CERS4: variants seen among roughly 807,000 people sequenced by gnomAD.
CERS4 encodes the protein LAG1 homolog, ceramide synthase 4.
In CERS4, 65 loss-of-function variants were observed where a neutral mutation model predicts 51.8. That is an observed-to-expected ratio of 1.26 (90% CI 1.03 to 1.54). CERS4 has a LOEUF of 1.54. CERS4 is among the 40% of genes most tolerant of loss of function. CERS4 has a pLI of 0.00. For missense variants in CERS4, 563 were observed against 500.4 expected (o/e 1.13, Z -1.19); for synonymous variants, 228 against 208.4 (o/e 1.09, Z -0.81).
chr19:8,254,439 A>C (rs920888221), intron 3 of CERS4, 60 bp from the exon 4 acceptor site: 10 of 1,498,750 alleles, frequency 6.7e-6, no homozygotes, highest in African/African-American at 2.9e-5. Context: ...GTCTGCCCCC[A>C]CACACAGGCA....
intron 2 of CERS4, among the ~76,000 whole-genome samples, chr19:8,249,636 G>T (rs767929668): frequency 1.3e-4 from 16 of 121,098 alleles, no homozygotes; most frequent in Non-Finnish European, 1.7e-4. Flanking sequence ...CTGTCACCCA[G>T]GCTGCAGTGC....
intron 3 of CERS4, among the ~76,000 whole-genome samples, chr19:8,253,634 T>G (rs1969210686): frequency 6.6e-6 from 1 of 151,782 alleles, no homozygotes; most frequent in Non-Finnish European, 1.5e-5. Context: ...CCGGCTAATT[T>G]TTTGTATTTT....
intron 2 of CERS4, among the ~76,000 whole-genome samples, chr19:8,223,723 C>G (rs1967656991): frequency 6.6e-6 from 1 of 151,982 alleles, no homozygotes; most frequent in Non-Finnish European, 1.5e-5. Context: ...GAGGTCGAAA[C>G]TGCAGTGAAC....
chr19:8,256,786 C>T (rs1969408995), intron 8 of CERS4, 76 bp downstream of exon 8: 1 of 1,573,504 alleles, frequency 6.4e-7, no homozygotes, highest in Non-Finnish European at 8.6e-7. Context: ...GGCAGCCTTA[C>T]AACCGCACCT....
In CERS4 at chr19:8,257,870, C is replaced by T; in HGVS notation, c.742-9C>T. On this transcript the variant is annotated splice_polypyrimidine_tract_variant and intron_variant, in intron 9 of 11. Transcript: ENST00000251363. ...TCCTGAGCCCATTTCTCCCTGCTGC[C>T]CTTTCCAGGCCTGTAAGATGGTCAA... The T allele has an allele frequency of 3.1e-6, 5 of 1,610,596 alleles. No homozygotes were observed. Among genetic ancestry groups the T allele is most frequent in the Non-Finnish European group, 4.2e-6 (5 of 1,177,206 alleles).
At chr19:8,240,320 G>C (rs953782000) in intron 2 of CERS4, among the ~76,000 whole-genome samples, 1 of 152,096 alleles carries the variant, frequency 6.6e-6, no homozygotes, top group Non-Finnish European at 1.5e-5. Flanking sequence ...TGGGGTCTTT[G>C]GGGGGAGTGG....
intron 3 of CERS4, among the ~76,000 whole-genome samples, 168 bp from the exon 4 acceptor site, chr19:8,254,331 A>AAAAAAAAAC (rs1969254207): frequency 6.7e-6 from 1 of 148,620 alleles, no homozygotes; most frequent in Non-Finnish European, 1.5e-5. Context: ...TCAAAAAAAA[A>AAAAAAAAAC]AAAAAAAAAA....
In CERS4 at chr19:8,233,738, C is replaced by T. The variant is rs550391510; in HGVS notation, c.-1-17338C>T. 2.9e-3 allele frequency among the ~76,000 whole-genome samples: 443 copies of T among 152,098 alleles called. 3 individuals are homozygous for T. The highest frequency in any genetic ancestry group is 0.01 in the African/African-American group (423 of 41,498). On this transcript the variant is annotated intron_variant, in intron 2 of 11. Coordinates refer to ENST00000251363, the MANE Select transcript of CERS4 (RefSeq NM_024552.3). Reference sequence around the variant, plus strand: ...AAAATTTTTTAATTGTGGGGCCGGGCGCGGTGGCTCACGTCTGTAATCCCA... The same window carrying T: ...AAAATTTTTTAATTGTGGGGCCGGGTGCGGTGGCTCACGTCTGTAATCCCA...
chr19:8,247,132 C>A (rs552135492), intron 2 of CERS4, among the ~76,000 whole-genome samples: 13 of 152,326 alleles, frequency 8.5e-5, no homozygotes, highest in Admixed American at 2.0e-4. Flanking sequence ...TGCCACGGTA[C>A]TCCAGGCTGG....
At chr19:8,243,194 TAAAAAAAAAAAAAAA>T (rs56754017) in intron 2 of CERS4, among the ~76,000 whole-genome samples, 2 of 59,866 alleles carry the variant, frequency 3.3e-5, no homozygotes, top group South Asian at 1.6e-3. Flanking sequence ...ACCCTGTCTC[TAAAAAAAAAAAAAAA>T]AAAAAAAAAA....
Position 8,262,142 on chromosome 19 carries a change from C to A in CERS4, c.*33C>A. The A allele has an allele frequency of 1.4e-6, 2 of 1,428,956 alleles. No individual in the cohort carries two copies. The highest frequency in any genetic ancestry group is 1.8e-6 in the Non-Finnish European group (2 of 1,094,190). The allele number at this position is 1,428,956 out of a possible 1,614,324, so 88.5% of individuals were successfully genotyped here. ...GGGCTGGCTGTAAGGGGTTGCCCCC[C>A]CGCCAGTGCCTTGGATATTTCTGGG... On this transcript the variant is annotated 3_prime_UTR_variant, in exon 12 of 12. Coordinates refer to ENST00000251363, the MANE Select transcript of CERS4 (RefSeq NM_024552.3).
rs532547909 is a variant in CERS4, at chr19:8,256,721, A to G, written c.612+11A>G. Reference sequence around the variant, plus strand: ...GATGTCAAGCGCAAGGTGAGGCCAAATAAGAGTCTGGAAGACCCAGTCTCT... The same window carrying G: ...GATGTCAAGCGCAAGGTGAGGCCAAGTAAGAGTCTGGAAGACCCAGTCTCT... On this transcript the variant is annotated intron_variant, in intron 8 of 11. Coordinates refer to ENST00000251363, the MANE Select transcript of CERS4 (RefSeq NM_024552.3). 7.5e-6 allele frequency: 12 copies of G among 1,610,710 alleles called. No homozygotes were observed. The East Asian group carries it at 8.9e-5, about 12-fold the overall frequency.
intron 2 of CERS4, among the ~76,000 whole-genome samples, chr19:8,216,091 T>C (rs12608929): frequency 0.026 from 3,899 of 152,116 alleles, 237 homozygotes; most frequent in East Asian, 0.18. Flanking sequence ...TTTAAAATTG[T>C]AGCCCTGCCA....
chr19:8,242,646 A>C (rs1361542820), intron 2 of CERS4, among the ~76,000 whole-genome samples: 2 of 152,186 alleles, frequency 1.3e-5, no homozygotes, highest in East Asian at 1.9e-4. Context: ...ACAGAGAAAG[A>C]AAGCGTTTAA....
intron 6 of CERS4, 144 bp from the exon 7 acceptor site, chr19:8,256,092 A>C (rs1377362046): frequency 2.0e-6 from 2 of 994,312 alleles, no homozygotes; most frequent in Non-Finnish European, 3.0e-6. Context: ...TGAGCCCCCC[A>C]GTCGAGAGTG....
Position 8,261,729 on chromosome 19 carries a change from G to GC in CERS4, c.894dup (p.Phe299LeufsTer31). 1.2e-6 allele frequency: 2 copies of GC among 1,614,130 alleles called. No homozygotes were observed. The highest frequency in any genetic ancestry group is 8.5e-7 in the Non-Finnish European group (1 of 1,180,024). ...TACTACGAGTCCATCAGCAACAGGGGCCCCTTCTTCGGCTACTACTTCTTC... is the reference window on the plus strand; with the variant it reads ...TACTACGAGTCCATCAGCAACAGGGGCCCCCTTCTTCGGCTACTACTTCTTC... On this transcript the variant is annotated frameshift_variant, in exon 11 of 12. Coordinates refer to ENST00000251363, the MANE Select transcript of CERS4 (RefSeq NM_024552.3). LOFTEE classifies it high-confidence loss of function.
intron 2 of CERS4, among the ~76,000 whole-genome samples, chr19:8,232,889 ATTT>A (rs34774744): frequency 0.014 from 818 of 59,206 alleles, 10 homozygotes; most frequent in African/African-American, 0.05. Flanking sequence ...TGCCTCGCTG[ATTT>A]TTTTTTTTTT....
chr19:8,235,159 C>T (rs936950962), intron 2 of CERS4, among the ~76,000 whole-genome samples: 8 of 151,590 alleles, frequency 5.3e-5, no homozygotes, highest in Non-Finnish European at 7.4e-5. Context: ...CAGGCACACA[C>T]CACCATGCCT....
chr19:8,249,668 T>C (rs10402060), intron 2 of CERS4, among the ~76,000 whole-genome samples: 77,899 of 145,584 alleles, frequency 0.54, 20,999 homozygotes, highest in South Asian at 0.66. Context: ...CTCTGCTCAC[T>C]GCAACCTCCG....
Sources: gnomAD v4.1 joint callset for allele counts (sites outside exome capture counted in the v4.1 genomes callset) on GRCh38, gnomAD v4.1.1 for gene constraint, MANE v1.5 for transcripts, NCBI Gene and HGNC (gene_info 2026-07-23, HGNC 2026-07-21) for gene names.